The following CTBP1 variants were observed in gnomAD, a reference collection of about 807,000 sequenced individuals.
CTBP1 encodes the protein C-terminal-binding protein 1.
Under a neutral mutation model 42.1 loss-of-function variants are expected in CTBP1, and 11 were observed. That is an observed-to-expected ratio of 0.26 (90% CI 0.16 to 0.43). The LOEUF (loss-of-function observed/expected upper bound fraction) is 0.43. Ranked by LOEUF, CTBP1 falls within the 20% of genes least tolerant of loss-of-function variation. The probability of loss-of-function intolerance (pLI) is 1.00; values close to 1 mark genes in which losing one functional copy is unlikely to be tolerated. For synonymous variants in CTBP1, 324 were observed against 277.1 expected (o/e 1.17, Z -1.68); for missense variants, 399 against 624.3 (o/e 0.64, Z 3.85).
At chr4:1,216,334 T>A in intron 5 of CTBP1, 129 bp from the exon 6 acceptor site, 1 of 975,920 alleles carries the variant, frequency 1.0e-6, no homozygotes, top group Non-Finnish European at 1.5e-6. Context: ...CCAGCTGTGG[T>A]CAAGCCAAGG....
chr4:1,248,831 TC>T, intron 1 of CTBP1, 84 bp downstream of exon 1: 1 of 886,672 alleles, frequency 1.1e-6, no homozygotes, highest in Non-Finnish European at 1.3e-6. Flanking sequence ...GCGCGCTCGG[TC>T]CGCCCCCGCG....
At position 1,212,894 on chromosome 4, in the gene CTBP1, G is replaced by A. The variant is rs200654731; in HGVS notation, c.1106+19C>T. 95 of 1,606,120 alleles carry A rather than the reference G, an allele frequency of 5.9e-5. No individual in the cohort carries two copies. Among genetic ancestry groups the A allele is most frequent in the Admixed American group, 4.7e-4 (28 of 59,988 alleles). On this transcript the variant is annotated intron_variant, in intron 9 of 9. Transcript: ENST00000382952. The stretch of plus-strand genomic sequence containing the variant: ...TGGGGCCCTCCTGGAGGCTGTTCTG[G>A]GCCAGCGGGCCTGCTCACCTATAGG...
intron 3 of CTBP1, among the ~76,000 whole-genome samples, chr4:1,232,162 G>A (rs184415257): frequency 5.9e-5 from 9 of 152,338 alleles, no homozygotes; most frequent in Admixed American, 4.6e-4. Context: ...TCTGGCCTTG[G>A]CCTCTGGATA....
In CTBP1 at chr4:1,226,590, G is replaced by A. The variant is rs183888628; in HGVS notation, c.308-1024C>T. Reference sequence around the variant, plus strand: ...ATTGGAACAAAGACCTCCTGAGGGTGGGCCAGATCCCAGGGGTGCCCCAGA... The same window carrying A: ...ATTGGAACAAAGACCTCCTGAGGGTAGGCCAGATCCCAGGGGTGCCCCAGA... On this transcript the variant is annotated intron_variant, in intron 4 of 9. Coordinates refer to ENST00000382952, the MANE Select transcript of CTBP1 (RefSeq NM_001012614.2). Among the ~76,000 whole-genome samples, 194 of 150,292 alleles carry A rather than the reference G, an allele frequency of 1.3e-3. 5 individuals carry two copies. Among genetic ancestry groups the A allele is most frequent in the Admixed American group, 0.012 (186 of 15,022 alleles).
chr4:1,229,088 C>T (rs979950584), intron 3 of CTBP1, among the ~76,000 whole-genome samples: 3 of 152,220 alleles, frequency 2.0e-5, no homozygotes, highest in African/African-American at 7.2e-5. Flanking sequence ...CCTGGCGCCT[C>T]CACTCAGCCA....
At chr4:1,239,301 G>A in intron 2 of CTBP1, among the ~76,000 whole-genome samples, 1 of 152,168 alleles carries the variant, frequency 6.6e-6, no homozygotes, top group Non-Finnish European at 1.5e-5. Flanking sequence ...TCAGCCCCAC[G>A]GCAGCTGGGC....
chr4:1,237,991 G>C lies in CTBP1; in HGVS notation c.162+192C>G, dbSNP rs372275288. The C allele has an allele frequency of 1.3e-3, 1,010 of 764,650 alleles. 4 individuals are homozygous for C. The African/African-American group carries it at 0.015, about 11-fold the overall frequency. The allele number at this position is 764,650 out of a possible 1,614,324, so 47.4% of individuals were successfully genotyped here. On this transcript the variant is annotated intron_variant, in intron 3 of 9. Coordinates refer to ENST00000382952, the MANE Select transcript of CTBP1 (RefSeq NM_001012614.2). Reference sequence around the variant, plus strand: ...TCCTGATGGGGCTCAGGGCAAACCCGATGTCCACCTCCTGATGGTGTCCAG... The same window carrying C: ...TCCTGATGGGGCTCAGGGCAAACCCCATGTCCACCTCCTGATGGTGTCCAG...
intron 2 of CTBP1, among the ~76,000 whole-genome samples, chr4:1,239,352 T>C (rs1731916241): frequency 5.3e-5 from 8 of 151,966 alleles, no homozygotes; most frequent in Admixed American, 5.2e-4. Flanking sequence ...GTCCCTCCCC[T>C]CCTCCTCCAA....
chr4:1,222,248 T>C (rs999343938), intron 5 of CTBP1, among the ~76,000 whole-genome samples: 10 of 151,506 alleles, frequency 6.6e-5, no homozygotes, highest in Non-Finnish European at 1.5e-4. Context: ...CAGTCAAGGG[T>C]GCCAGGTGGG....
At chr4:1,243,230 G>T in intron 1 of CTBP1, 1 of 985,358 alleles carries the variant, frequency 1.0e-6, no homozygotes, top group Non-Finnish European at 1.2e-6. Context: ...TATCTATACT[G>T]GCCAGTACGT....
intron 1 of CTBP1, chr4:1,244,470 C>A: frequency 1.0e-6 from 1 of 985,228 alleles, no homozygotes; most frequent in African/African-American, 1.7e-5. Context: ...CTGCTCAGAC[C>A]CAGGCTCGGC....
chr4:1,239,572 G>A (rs1311200416), intron 2 of CTBP1, among the ~76,000 whole-genome samples: 3 of 152,356 alleles, frequency 2.0e-5, no homozygotes, highest in Admixed American at 6.5e-5. Flanking sequence ...AGGAAGCAGG[G>A]AAGTGCCTCC....
At chr4:1,242,540 C>T in intron 1 of CTBP1, 1 of 985,184 alleles carries the variant, frequency 1.0e-6, no homozygotes, top group Non-Finnish European at 1.2e-6. Flanking sequence ...CTGCAGGATT[C>T]AAGCATACAT....
At chr4:1,217,724 A>G (rs371481938) in intron 5 of CTBP1, 9 of 152,364 alleles carry the variant, frequency 5.9e-5, no homozygotes, top group African/African-American at 2.2e-4. Flanking sequence ...TCTCTTCCAC[A>G]TGATGTCTGG....
At chr4:1,245,926 T>C (rs1250644847) in intron 1 of CTBP1, among the ~76,000 whole-genome samples, 3 of 152,130 alleles carry the variant, frequency 2.0e-5, no homozygotes. Flanking sequence ...CTCACTCTCC[T>C]TCAACACCCG....
intron 1 of CTBP1, chr4:1,244,092 C>G: frequency 1.0e-6 from 1 of 985,370 alleles, no homozygotes; most frequent in Non-Finnish European, 1.2e-6. Flanking sequence ...CATCAAGTCC[C>G]GGGGGGCTGC....
chr4:1,243,907 T>C, intron 1 of CTBP1: 1 of 985,470 alleles, frequency 1.0e-6, no homozygotes, highest in Non-Finnish European at 1.2e-6. Context: ...CTGCAGACGC[T>C]TAACCTCATG....
At chr4:1,224,368 G>A (rs1439578487) in intron 5 of CTBP1, among the ~76,000 whole-genome samples, 2 of 151,516 alleles carry the variant, frequency 1.3e-5, no homozygotes, top group Non-Finnish European at 2.9e-5. Flanking sequence ...GTGCTGTGAT[G>A]TCCGTGTGAT....
chr4:1,228,627 G>A (rs1199084627), intron 3 of CTBP1, among the ~76,000 whole-genome samples: 1 of 152,156 alleles, frequency 6.6e-6, no homozygotes, highest in Non-Finnish European at 1.5e-5. Context: ...TCCCCACTGT[G>A]GTGGCTGAGA....
Sources: gnomAD v4.1 joint callset for allele counts (sites outside exome capture counted in the v4.1 genomes callset) on GRCh38, gnomAD v4.1.1 for gene constraint, MANE v1.5 for transcripts, NCBI Gene and HGNC (gene_info 2026-07-23, HGNC 2026-07-21) for gene names.